The following ADAM18 variants were observed in gnomAD, a reference collection of about 807,000 sequenced individuals.
ADAM18 encodes ADAM metallopeptidase domain 18.
ADAM18 carries 117 observed loss-of-function variants against 94.4 expected under a neutral mutation model. That is an observed-to-expected ratio of 1.24 (90% CI 1.07 to 1.45). ADAM18 has a LOEUF of 1.45. Ranked by LOEUF, ADAM18 falls within the 40% of genes most tolerant of loss-of-function variation. ADAM18 has a pLI of 0.00. For missense variants in ADAM18, 936 were observed against 880.0 expected (o/e 1.06, Z -0.81); for synonymous variants, 327 against 291.6 (o/e 1.12, Z -1.24).
Position 39,585,369 on chromosome 8 carries a change from A to G in ADAM18, c.132+17A>G, listed in dbSNP as rs1818368151. 6.3e-7 allele frequency: 1 copy of G among 1,582,010 alleles called. No individual in the cohort carries two copies. Among genetic ancestry groups the G allele is most frequent in the African/African-American group, 1.3e-5 (1 of 74,180 alleles). On this transcript the variant is annotated intron_variant, in intron 2 of 19. Transcript: ENST00000265707. ...GAGAGGAAGGTAAATGATGAGGAAT[A>G]TTTATTCTATATTTAAAGCTTTATG...
At chr8:39,677,740 C>G (rs1393117183) in intron 15 of ADAM18, among the ~76,000 whole-genome samples, 5 of 152,028 alleles carry the variant, frequency 3.3e-5, no homozygotes, top group Non-Finnish European at 7.4e-5. Flanking sequence ...CAAAAAAAGG[C>G]TAATACTTAG....
intron 16 of ADAM18, among the ~76,000 whole-genome samples, chr8:39,687,569 G>A (rs1585980845): frequency 6.6e-6 from 1 of 152,250 alleles, no homozygotes; most frequent in East Asian, 1.9e-4. Flanking sequence ...CCATCACCAA[G>A]GTAGTGAGCA....
chr8:39,684,738 A>C, intron 16 of ADAM18, among the ~76,000 whole-genome samples: 1 of 152,168 alleles, frequency 6.6e-6, no homozygotes, highest in East Asian at 1.9e-4. Flanking sequence ...GTTTCTTATA[A>C]TTTCTTATAA....
intron 2 of ADAM18, among the ~76,000 whole-genome samples, chr8:39,598,522 C>A (rs1290576241): frequency 1.3e-5 from 2 of 152,028 alleles, no homozygotes; most frequent in African/African-American, 2.4e-5. Flanking sequence ...AATTCTAGCA[C>A]TTTGAAAGGC....
chr8:39,675,127 C>T (rs1404505812), intron 14 of ADAM18, among the ~76,000 whole-genome samples: 1 of 152,070 alleles, frequency 6.6e-6, no homozygotes, highest in African/African-American at 2.4e-5. Flanking sequence ...CAAGGAGTAT[C>T]TTTGTGGTGT....
chr8:39,658,083 C>A (rs1463624896), intron 12 of ADAM18, among the ~76,000 whole-genome samples: 2 of 152,168 alleles, frequency 1.3e-5, no homozygotes, highest in East Asian at 1.9e-4. Flanking sequence ...TTACCAATGG[C>A]ACTCCTGCTG....
At chr8:39,697,571 T>G (rs1821958661) in intron 17 of ADAM18, among the ~76,000 whole-genome samples, 1 of 151,826 alleles carries the variant, frequency 6.6e-6, no homozygotes, top group South Asian at 2.1e-4. Flanking sequence ...AATTATTGTT[T>G]TCTACAGTCA....
chr8:39,633,005 T>A (rs1819975530), intron 7 of ADAM18, among the ~76,000 whole-genome samples: 1 of 152,160 alleles, frequency 6.6e-6, no homozygotes, highest in Admixed American at 6.6e-5. Flanking sequence ...CCCTCATGTA[T>A]GGGATTAAGT....
rs1296240616 is a variant in ADAM18, at chr8:39,638,413, G to T, written c.828-52G>T. On this transcript the variant is annotated intron_variant, in intron 9 of 19. Transcript: ENST00000265707. ...GAAGAAGGTTTAATTTAATACATAA[G>T]CTTACAAATTGTTTTGCATAACTAC... The T allele has an allele frequency of 5.6e-6, 7 of 1,251,970 alleles. No individual in the cohort carries two copies. The East Asian group carries it at 1.5e-4, about 27-fold the overall frequency. The allele number at this position is 1,251,970 out of a possible 1,614,324, so 77.6% of individuals were successfully genotyped here.
intron 7 of ADAM18, among the ~76,000 whole-genome samples, chr8:39,633,186 ATCTGTCATAT>A (rs1268003522): frequency 6.6e-6 from 1 of 152,122 alleles, no homozygotes; most frequent in African/African-American, 2.4e-5. Context: ...AAACTACCCA[ATCTGTCATAT>A]TCTGTCATAG....
At chr8:39,620,873 G>T (rs1464078740) in intron 6 of ADAM18, among the ~76,000 whole-genome samples, 1 of 151,654 alleles carries the variant, frequency 6.6e-6, no homozygotes, top group Non-Finnish European at 1.5e-5. Context: ...TGGGTGAGGA[G>T]GTGAGAGGGG....
At chr8:39,709,935 C>T (rs545747904) in intron 18 of ADAM18, among the ~76,000 whole-genome samples, 1 of 152,292 alleles carries the variant, frequency 6.6e-6, no homozygotes, top group African/African-American at 2.4e-5. Context: ...GAAAATAATG[C>T]ATTTAAGTTT....
intron 17 of ADAM18, among the ~76,000 whole-genome samples, chr8:39,698,394 T>C (rs1821982247): frequency 6.6e-6 from 1 of 151,960 alleles, no homozygotes; most frequent in African/African-American, 2.4e-5. Flanking sequence ...TTGTAAAGTC[T>C]ATATAATTTG....
At chr8:39,590,423 T>C (rs1239440996) in intron 2 of ADAM18, among the ~76,000 whole-genome samples, 1 of 152,118 alleles carries the variant, frequency 6.6e-6, no homozygotes, top group Non-Finnish European at 1.5e-5. Context: ...CATCACACTC[T>C]GGGGACTGTT....
chr8:39,669,626 C>T (rs1191283689), intron 14 of ADAM18, among the ~76,000 whole-genome samples: 1 of 151,732 alleles, frequency 6.6e-6, no homozygotes, highest in African/African-American at 2.4e-5. Flanking sequence ...CATCCGTGTC[C>T]CTACAAAGGA....
At chr8:39,601,625 G>T (rs72641289) in intron 2 of ADAM18, among the ~76,000 whole-genome samples, 1 of 151,714 alleles carries the variant, frequency 6.6e-6, no homozygotes, top group East Asian at 1.9e-4. Context: ...TTGGGTCTTG[G>T]TTTTTTATCC....
At chr8:39,669,121 G>A (rs1585962062) in intron 14 of ADAM18, among the ~76,000 whole-genome samples, 1 of 150,910 alleles carries the variant, frequency 6.6e-6, no homozygotes, top group East Asian at 1.9e-4. Context: ...TTTAAGCAGG[G>A]TTTAAAATAT....
chr8:39,671,943 C>T (rs759809486), intron 14 of ADAM18, among the ~76,000 whole-genome samples: 1 of 152,052 alleles, frequency 6.6e-6, no homozygotes, highest in Non-Finnish European at 1.5e-5. Context: ...AATAGAGGAA[C>T]ACAACATGGG....
intron 18 of ADAM18, among the ~76,000 whole-genome samples, chr8:39,716,738 C>T (rs1822590330): frequency 6.6e-6 from 1 of 151,804 alleles, no homozygotes; most frequent in Non-Finnish European, 1.5e-5. Flanking sequence ...GATTCAAACT[C>T]TCTGTTTTCT....
Sources: allele counts gnomAD v4.1 joint callset (sites outside exome capture counted in the v4.1 genomes callset), GRCh38; gene constraint gnomAD v4.1.1; transcripts MANE v1.5; gene names NCBI Gene and HGNC (gene_info 2026-07-23, HGNC 2026-07-21).